The following ASAP1 variants were observed in gnomAD, a reference collection of about 807,000 sequenced individuals.
ASAP1 encodes arf-GAP with SH3 domain, ANK repeat and PH domain-containing protein 1.
A neutral mutation model predicts 145.2 loss-of-function variants in ASAP1; 43 were observed. The observed-to-expected ratio is 0.30, with a 90% confidence interval of 0.23 to 0.38. ASAP1 has a LOEUF of 0.38. ASAP1 is among the 10% of genes least tolerant of loss of function. The pLI is 1.00. For synonymous variants in ASAP1, 546 were observed against 515.5 expected, an observed-to-expected ratio of 1.06 and a Z score of -0.80; for missense variants, 1,018 against 1,355.3, an observed-to-expected ratio of 0.75 and a Z score of 3.91.
intron 1 of ASAP1, among the ~76,000 whole-genome samples, chr8:130,422,548 T>C (rs1829763554): frequency 6.6e-6 from 1 of 152,208 alleles, no homozygotes; most frequent in Admixed American, 6.5e-5. Flanking sequence ...CTAAGCTGTC[T>C]CTGTCAAGAT....
chr8:130,139,524 A>C (rs1398373289), intron 13 of ASAP1, among the ~76,000 whole-genome samples: 1 of 152,126 alleles, frequency 6.6e-6, no homozygotes, highest in African/African-American at 2.4e-5. Context: ...CCTGGGGTTC[A>C]AGACCAGCCT....
chr8:130,196,463 C>T (rs1429504482), intron 5 of ASAP1, among the ~76,000 whole-genome samples: 1 of 152,212 alleles, frequency 6.6e-6, no homozygotes, highest in African/African-American at 2.4e-5. Flanking sequence ...TAAGGGAGGG[C>T]TCACCCCAAC....
intron 3 of ASAP1, among the ~76,000 whole-genome samples, chr8:130,337,172 T>G (rs558441594): frequency 2.0e-5 from 3 of 152,352 alleles, no homozygotes; most frequent in African/African-American, 7.2e-5. Context: ...AGGGTGAGAT[T>G]AATTCAAAAA....
chr8:130,323,616 C>A (rs139555985), intron 3 of ASAP1, among the ~76,000 whole-genome samples: 6 of 152,340 alleles, frequency 3.9e-5, no homozygotes, highest in African/African-American at 1.4e-4. Flanking sequence ...CCTCTACTGT[C>A]TGTTCCCCCT....
At chr8:130,374,325 T>C (rs371094237) in intron 2 of ASAP1, among the ~76,000 whole-genome samples, 9 of 152,372 alleles carry the variant, frequency 5.9e-5, no homozygotes, top group Admixed American at 2.0e-4. Context: ...CTTCATTGTT[T>C]TCCATGAAGC....
At chr8:130,230,961 C>T (rs932950156) in intron 4 of ASAP1, among the ~76,000 whole-genome samples, 2 of 152,150 alleles carry the variant, frequency 1.3e-5, no homozygotes, top group Non-Finnish European at 2.9e-5. Flanking sequence ...ACTCTAGTTA[C>T]AACTGAATTC....
chr8:130,280,282 TA>T (rs1456509555), intron 3 of ASAP1, among the ~76,000 whole-genome samples: 6 of 152,224 alleles, frequency 3.9e-5, no homozygotes, highest in Admixed American at 3.3e-4. Context: ...TCTAGCAGGA[TA>T]AAATGGTAGC....
At position 130,276,728 on chromosome 8, in the gene ASAP1, A is replaced by ACACTCACTCTCTCTCT. The variant is rs548512902; in HGVS notation, c.187-39735_187-39734insAGAGAGAGAGTGAGTG. On this transcript the variant is annotated intron_variant, in intron 3 of 29. Coordinates refer to ENST00000518721, the MANE Select transcript of ASAP1 (RefSeq NM_018482.4). ...CACACACACACACACACACACACAC[A>ACACTCACTCTCTCTCT]CTCTCTCTCTCTCTCTCTCTCTCTC... Among the ~76,000 whole-genome samples the ACACTCACTCTCTCTCT allele has an allele frequency of 2.3e-5, 2 of 87,272 alleles. 1 individual carries two copies. Among genetic ancestry groups the ACACTCACTCTCTCTCT allele is most frequent in the Non-Finnish European group, 4.4e-5 (2 of 45,418 alleles). The allele number at this position is 87,272 out of a possible 152,430, so 57.3% of individuals were successfully genotyped here. A position where few individuals can be genotyped will look rare whatever the true frequency, so the allele number is the denominator to read the frequency against.
intron 1 of ASAP1, among the ~76,000 whole-genome samples, chr8:130,413,916 T>C (rs1247887660): frequency 1.3e-5 from 2 of 151,978 alleles, no homozygotes; most frequent in Admixed American, 6.6e-5. Flanking sequence ...ATTCATTCAT[T>C]CATTTATGTA....
intron 1 of ASAP1, among the ~76,000 whole-genome samples, chr8:130,416,783 A>T (rs1829492478): frequency 6.6e-6 from 1 of 152,250 alleles, no homozygotes; most frequent in African/African-American, 2.4e-5. Context: ...CTGATGCCAC[A>T]GTGGTAAAAC....
At chr8:130,221,487 C>T (rs1375736673) in intron 4 of ASAP1, among the ~76,000 whole-genome samples, 2 of 152,070 alleles carry the variant, frequency 1.3e-5, no homozygotes, top group Admixed American at 6.6e-5. Flanking sequence ...CTATTTGTTT[C>T]CCCCTTATAT....
intron 1 of ASAP1, among the ~76,000 whole-genome samples, chr8:130,418,171 G>A (rs2138685833): frequency 6.6e-6 from 1 of 152,326 alleles, no homozygotes; most frequent in East Asian, 1.9e-4. Context: ...AAAACAAAGA[G>A]AATAGGAGCA....
In ASAP1 at chr8:130,358,429, C is replaced by G. The variant is rs569842761; in HGVS notation, c.60-286G>C. ...ACCCGCCTCCCTCTGCTCATGCCGG[C>G]GGCGGCAGCTCCTCAGCGGCGGGGG... On this transcript the variant is annotated intron_variant, in intron 2 of 29. Coordinates refer to ENST00000518721, the MANE Select transcript of ASAP1 (RefSeq NM_018482.4). The surrounding 1 kb of genome is among the most constrained non-coding windows in gnomAD (Gnocchi z 4.1). Among the ~76,000 whole-genome samples, 48 of 148,528 alleles carry G rather than the reference C, an allele frequency of 3.2e-4. 2 individuals carry two copies. In the South Asian group the frequency reaches 1.0e-2, roughly 31 times the overall value.
At chr8:130,148,865 G>A (rs949260826) in intron 13 of ASAP1, among the ~76,000 whole-genome samples, 1 of 151,896 alleles carries the variant, frequency 6.6e-6, no homozygotes, top group African/African-American at 2.4e-5. Flanking sequence ...GACAGGGCCT[G>A]GCTCTGTCGC....
chr8:130,286,841 G>A (rs1455947017), intron 3 of ASAP1, among the ~76,000 whole-genome samples: 1 of 152,188 alleles, frequency 6.6e-6, no homozygotes, highest in Non-Finnish European at 1.5e-5. Context: ...GAAATGATGA[G>A]AAGCAAAAGT....
At chr8:130,129,075 G>A (rs568895098) in intron 15 of ASAP1, among the ~76,000 whole-genome samples, 23 of 152,172 alleles carry the variant, frequency 1.5e-4, no homozygotes, top group Non-Finnish European at 3.2e-4. Context: ...GAGATCTGAT[G>A]GTTTTATAAG....
chr8:130,231,631 T>C (rs1235156325), intron 4 of ASAP1, among the ~76,000 whole-genome samples: 4 of 152,244 alleles, frequency 2.6e-5, no homozygotes, highest in Non-Finnish European at 5.9e-5. Flanking sequence ...CCTGAGTTCC[T>C]AGTCCCAGAA....
intron 1 of ASAP1, among the ~76,000 whole-genome samples, chr8:130,431,695 T>C (rs1198596631): frequency 6.6e-6 from 1 of 152,010 alleles, no homozygotes; most frequent in Non-Finnish European, 1.5e-5. Flanking sequence ...ACATGCTGGC[T>C]CATAATTATC....
At chr8:130,249,576 C>T (rs1283851476) in intron 3 of ASAP1, among the ~76,000 whole-genome samples, 1 of 152,116 alleles carries the variant, frequency 6.6e-6, no homozygotes, top group Non-Finnish European at 1.5e-5. Context: ...AGTTTCACTG[C>T]CCCCCTTCCC....
Sources: allele counts gnomAD v4.1 joint callset (sites outside exome capture counted in the v4.1 genomes callset), GRCh38; gene constraint gnomAD v4.1.1; non-coding constraint Gnocchi (gnomAD v3.1); transcripts MANE v1.5; gene names NCBI Gene and HGNC (gene_info 2026-07-23, HGNC 2026-07-21).